The following DMD variants were observed in gnomAD, a reference collection of about 807,000 sequenced individuals.
The protein encoded by DMD is mutant dystrophin.
Under a neutral mutation model 330.1 loss-of-function variants are expected in DMD, and 63 were observed. The ratio of observed to expected loss-of-function variants is 0.19; its 90% CI spans 0.16 to 0.24. DMD has a LOEUF of 0.24. DMD is among the 10% of genes least tolerant of loss of function. DMD has a pLI of 1.00. For synonymous variants in DMD, 1,223 were observed against 959.8 expected, an observed-to-expected ratio of 1.27 and a Z score of -5.07; for missense variants, 3,344 against 2,684.1, an observed-to-expected ratio of 1.25 and a Z score of -5.43.
chrX:32,735,445 C>T (rs994696729), intron 7 of DMD, among the ~76,000 whole-genome samples: 2 of 110,989 alleles, frequency 1.8e-5, no homozygotes, highest in African/African-American at 6.6e-5. Context: ...CAAAAAAGAG[C>T]CCGCATCACC....
chrX:32,020,276 A>G (rs933979820), intron 44 of DMD, among the ~76,000 whole-genome samples: 1 of 112,492 alleles, frequency 8.9e-6, no homozygotes, highest in Admixed American at 9.4e-5. Context: ...CAAATTTCAC[A>G]CTTATGAGAA....
At chrX:33,312,963 A>C (rs950140007) in intron 1 of DMD, among the ~76,000 whole-genome samples, 2 of 111,330 alleles carry the variant, frequency 1.8e-5, no homozygotes, top group African/African-American at 6.5e-5. Context: ...AAAGCATAAA[A>C]ATATGAAAAA....
At chrX:32,313,563 AAGAG>A (rs1431143452) in intron 41 of DMD, among the ~76,000 whole-genome samples, 1 of 111,349 alleles carries the variant, frequency 9.0e-6, no homozygotes, top group Non-Finnish European at 1.9e-5. Context: ...GCAATCAGGC[AAGAG>A]AAAGAAAGAA....
chrX:32,846,249 A>G (rs1405627105), intron 3 of DMD, among the ~76,000 whole-genome samples: 1 of 112,036 alleles, frequency 8.9e-6, no homozygotes, highest in Non-Finnish European at 1.9e-5. Context: ...TAATATATAG[A>G]TTACCATATA....
intron 34 of DMD, among the ~76,000 whole-genome samples, chrX:32,373,234 ATTCT>A (rs1230869129): frequency 5.5e-5 from 6 of 108,188 alleles, no homozygotes; most frequent in Non-Finnish European, 1.2e-4. Flanking sequence ...TAGATGAATC[ATTCT>A]ATTTAGGAAA....
chrX:32,246,755 G>C (rs1239717068), intron 43 of DMD, among the ~76,000 whole-genome samples: 1 of 108,978 alleles, frequency 9.2e-6, no homozygotes, highest in Non-Finnish European at 1.9e-5. Context: ...TTGTGTAGAG[G>C]TGTTTGTAGT....
At chrX:31,705,575 C>T (rs890340647) in intron 52 of DMD, among the ~76,000 whole-genome samples, 2 of 112,687 alleles carry the variant, frequency 1.8e-5, no homozygotes, top group African/African-American at 6.4e-5. Flanking sequence ...AATCATTTTG[C>T]TTAAAGCTGC....
At chrX:32,423,949 A>C (rs1017584673) in intron 29 of DMD, among the ~76,000 whole-genome samples, 22 of 111,230 alleles carry the variant, frequency 2.0e-4, no homozygotes, top group Admixed American at 9.6e-5. Context: ...GAGAAGGAAA[A>C]ATTTCTAATT....
intron 15 of DMD, among the ~76,000 whole-genome samples, chrX:32,567,838 A>G (rs1266495768): frequency 8.9e-6 from 1 of 112,352 alleles, no homozygotes; most frequent in Non-Finnish European, 1.9e-5. Context: ...ATTTCAATGT[A>G]TATTCCTCCA....
chrX:31,747,839 C>A (rs2087982473), intron 51 of DMD, among the ~76,000 whole-genome samples: 1 of 111,948 alleles, frequency 8.9e-6, no homozygotes, highest in African/African-American at 3.2e-5. Flanking sequence ...TTTTATTAGG[C>A]AGGTTTCTCA....
chrX:33,200,399 T>C (rs2051195608), intron 1 of DMD, among the ~76,000 whole-genome samples: 1 of 111,430 alleles, frequency 9.0e-6, no homozygotes, highest in African/African-American at 3.3e-5. Context: ...GTAATGTGTA[T>C]GTATGTGTGC....
At chrX:32,487,136 A>T (rs1433633149) in intron 20 of DMD, among the ~76,000 whole-genome samples, 9 of 111,444 alleles carry the variant, frequency 8.1e-5, no homozygotes, top group Non-Finnish European at 1.7e-4. Flanking sequence ...TCTACAACGA[A>T]CTCAAAAAAA....
At position 33,084,854 on chromosome X, in the gene DMD, G is replaced by A. The variant is rs188610840; in HGVS notation, c.32-64654C>T. Among the ~76,000 whole-genome samples the A allele has an allele frequency of 3.7e-3, 416 of 111,783 alleles. 1 individual carries two copies. The highest frequency in any genetic ancestry group is 0.013 in the African/African-American group (398 of 30,820). Reference sequence around the variant, plus strand: ...AACTATAAATTAGTGGAGGTTAGAAGCAAGATGGAGTCAGTTAAGTTAGAT... The same window carrying A: ...AACTATAAATTAGTGGAGGTTAGAAACAAGATGGAGTCAGTTAAGTTAGAT... On this transcript the variant is annotated intron_variant, in intron 1 of 78. Coordinates refer to ENST00000357033, the MANE Select transcript of DMD (RefSeq NM_004006.3).
At chrX:31,768,728 C>A (rs113716307) in intron 51 of DMD, among the ~76,000 whole-genome samples, 1 of 111,884 alleles carries the variant, frequency 8.9e-6, no homozygotes, top group Non-Finnish European at 1.9e-5. Flanking sequence ...CAGATTTCTC[C>A]GACACTAAGC....
chrX:31,374,416 C>T lies in DMD; in HGVS notation c.9085-25782G>A, dbSNP rs750606948. Reference sequence around the variant, plus strand: ...TATTCACAACAGCAAAGACTTGGAACCAACCCAAATGTCCAACAATGATAG... The same window carrying T: ...TATTCACAACAGCAAAGACTTGGAATCAACCCAAATGTCCAACAATGATAG... On this transcript the variant is annotated intron_variant, in intron 60 of 78. Transcript: ENST00000357033. Among the ~76,000 whole-genome samples the T allele has an allele frequency of 3.6e-5, 4 of 109,687 alleles. No individual in the cohort carries two copies. The South Asian group carries it at 1.6e-3, about 44-fold the overall frequency.
At chrX:32,399,445 G>A (rs769930551) in intron 30 of DMD, among the ~76,000 whole-genome samples, 1 of 111,201 alleles carries the variant, frequency 9.0e-6, no homozygotes, top group East Asian at 2.8e-4. Flanking sequence ...ACTTTTTTTT[G>A]AAAGAAGATA....
rs1313422471 is a variant in DMD, at chrX:33,010,047, T to TGTGTATATACAC, written c.93+10091_93+10092insGTGTATATACAC. On this transcript the variant is annotated intron_variant, in intron 2 of 78. Transcript: ENST00000357033. ...GTGTGTACATGTGTATATACACATG[T>TGTGTATATACAC]GTATATATACGTGTATATATACACA... is the stretch of plus-strand genomic sequence containing the variant. 6.5e-5 allele frequency among the ~76,000 whole-genome samples: 3 copies of TGTGTATATACAC among 45,803 alleles called. 1 individual carries two copies. Among genetic ancestry groups the TGTGTATATACAC allele is most frequent in the Non-Finnish European group, 6.3e-5 (1 of 15,891 alleles). The allele number at this position is 45,803 out of a possible 115,157, so 39.8% of individuals were successfully genotyped here.
At chrX:32,325,016 A>G (rs1235891331) in intron 41 of DMD, among the ~76,000 whole-genome samples, 1 of 111,652 alleles carries the variant, frequency 9.0e-6, no homozygotes, top group East Asian at 2.8e-4. Flanking sequence ...TATAAGATCT[A>G]TATACATTAC....
At chrX:32,626,801 A>C (rs913855752) in intron 11 of DMD, among the ~76,000 whole-genome samples, 2 of 104,227 alleles carry the variant, frequency 1.9e-5, no homozygotes, top group Non-Finnish European at 3.8e-5. Flanking sequence ...CCTAGAAATT[A>C]AAGTATAATA....
Sources: gnomAD v4.1 joint callset for allele counts (sites outside exome capture counted in the v4.1 genomes callset) on GRCh38, gnomAD v4.1.1 for gene constraint, MANE v1.5 for transcripts, NCBI Gene and HGNC (gene_info 2026-07-23, HGNC 2026-07-21) for gene names.